The following CDH3 variants were observed in gnomAD, a reference collection of about 807,000 sequenced individuals.
The protein encoded by CDH3 is cadherin-3.
CDH3 carries 54 observed loss-of-function variants against 82.0 expected under a neutral mutation model. The observed-to-expected ratio is 0.66, with a 90% confidence interval of 0.53 to 0.83. The LOEUF (loss-of-function observed/expected upper bound fraction) is 0.83, where lower values mean the gene tolerates loss of function less well. Among genes scored for constraint, CDH3 ranks in the 40% least tolerant of loss-of-function variants. The pLI is 0.00. For synonymous variants in CDH3, 446 were observed against 437.9 expected (o/e 1.02, Z -0.23); for missense variants, 1,054 against 1,084.6 (o/e 0.97, Z 0.40).
chr16:68,659,579 C>CAAAAA (rs548955678), intron 2 of CDH3, among the ~76,000 whole-genome samples: 1 of 125,844 alleles, frequency 7.9e-6, no homozygotes, highest in Non-Finnish European at 1.7e-5. Flanking sequence ...GATGCTGTCT[C>CAAAAA]AAAAAAAAAA....
chr16:68,731,049 T>C (rs941385691), downstream of CDH3, among the ~76,000 whole-genome samples: 1 of 17,920 alleles, frequency 5.6e-5, no homozygotes, highest in African/African-American at 1.5e-4. Flanking sequence ...AAAAAAAAAA[T>C]ATATATATAT....
At chr16:68,655,277 G>A (rs571376499) in intron 2 of CDH3, among the ~76,000 whole-genome samples, 1 of 152,242 alleles carries the variant, frequency 6.6e-6, no homozygotes, top group Non-Finnish European at 1.5e-5. Context: ...AAACAGTGAA[G>A]TGTCTGAGAT....
At chr16:68,710,576 G>A in intron 1 of CDH3, among the ~76,000 whole-genome samples, 1 of 152,126 alleles carries the variant, frequency 6.6e-6, no homozygotes, top group Non-Finnish European at 1.5e-5. Context: ...GAAAAACTAT[G>A]GCTGGGCGCG....
downstream of CDH3, among the ~76,000 whole-genome samples, chr16:68,731,437 T>TAC (rs1962290508): frequency 8.5e-5 from 1 of 11,804 alleles, no homozygotes. Flanking sequence ...TATACACATA[T>TAC]ATATACACAC....
At chr16:68,721,652 C>A (rs879646625) in intron 1 of CDH3, among the ~76,000 whole-genome samples, 2 of 152,238 alleles carry the variant, frequency 1.3e-5, no homozygotes, top group Non-Finnish European at 2.9e-5. Context: ...CTTGGCTAGA[C>A]TAAGCTCTTC....
At chr16:68,654,200 C>T (rs140435774) in intron 2 of CDH3, among the ~76,000 whole-genome samples, 23,775 of 149,414 alleles carry the variant, frequency 0.16, 2,169 homozygotes, top group Non-Finnish European at 0.21. Flanking sequence ...GCTGGGACTA[C>T]AGGCATGTGC....
Position 68,695,843 on chromosome 16 carries a change from G to T in CDH3, c.2200G>T (p.Val734Leu), listed in dbSNP as rs775541873. Reference protein sequence around the residue: ...ARPEVVLRNDVAPTIIPTPMY... With the variant: ...ARPEVVLRNDLAPTIIPTPMY... ...GCCGGAGGTGGTTCTCCGCAATGAC[G>T]TGGCACCAACCATCATCCCGACACC... Residue 734 changes from valine to leucine, a missense_variant, in exon 15 of 16, where the codon GTG becomes TTG. Physicochemically the swap from Val to Leu is conservative, Grantham distance 32. Coordinates refer to ENST00000264012, the MANE Select transcript of CDH3 (RefSeq NM_001793.6). 3.7e-6 allele frequency: 6 copies of T among 1,614,052 alleles called. No individual in the cohort carries two copies. Among genetic ancestry groups the T allele is most frequent in the Non-Finnish European group, 4.2e-6 (5 of 1,180,002 alleles).
chr16:68,673,979 A>C (rs1196104499), intron 2 of CDH3, among the ~76,000 whole-genome samples: 2 of 152,182 alleles, frequency 1.3e-5, no homozygotes, highest in Non-Finnish European at 2.9e-5. Context: ...ACTATTATGA[A>C]TAACACTGCT....
chr16:68,730,110 G>A (rs2152112228), downstream of CDH3, among the ~76,000 whole-genome samples: 1 of 152,112 alleles, frequency 6.6e-6, no homozygotes. Context: ...GTATGCGCCT[G>A]TAATCCCAGC....
rs1336090075 is a variant in CDH3 at position 68,695,869 on chromosome 16, C to G, written c.2226C>G (p.Pro742=). ...TGGCACCAACCATCATCCCGACACC[C>G]ATGTACCGTCCTCGGCCAGCCAACC... The part of the protein sequence containing the change: ...NDVAPTIIPT[P]MYRPRPANPD... The change falls in exon 15 of 16, where the codon CCC becomes CCG. Residue 742 remains proline (P), a synonymous_variant. Transcript: ENST00000264012. 1 of 1,614,148 alleles carries G rather than the reference C, an allele frequency of 6.2e-7. No homozygotes were observed. The highest frequency in any genetic ancestry group is 1.1e-5 in the South Asian group (1 of 91,066).
intron 13 of CDH3, 48 bp from the exon 14 acceptor site, chr16:68,695,207 C>T (rs756072484): frequency 1.2e-6 from 2 of 1,611,904 alleles, no homozygotes; most frequent in Non-Finnish European, 1.7e-6. Flanking sequence ...GGGTCTTGGC[C>T]CACTGTGTGG....
chr16:68,672,048 C>A (rs538182125), intron 2 of CDH3, among the ~76,000 whole-genome samples: 1 of 151,916 alleles, frequency 6.6e-6, no homozygotes, highest in South Asian at 2.1e-4. Flanking sequence ...TAAAATTAGC[C>A]GGGCGAGGTG....
intron 13 of CDH3, 36 bp downstream of exon 13, chr16:68,691,962 G>GT: frequency 6.4e-7 from 1 of 1,560,218 alleles, no homozygotes; most frequent in Non-Finnish European, 8.8e-7. Flanking sequence ...CCTGAGGATG[G>GT]GGGAGTTGAA....
chr16:68,657,455 A>T (rs934673322), intron 2 of CDH3, among the ~76,000 whole-genome samples: 1 of 152,204 alleles, frequency 6.6e-6, no homozygotes, highest in South Asian at 2.1e-4. Flanking sequence ...CAGAGGTTGC[A>T]GTGAGCCGAG....
At chr16:68,727,628 G>T (rs1407918500), downstream of CDH3, among the ~76,000 whole-genome samples, 2 of 152,032 alleles carry the variant, frequency 1.3e-5, no homozygotes, top group Non-Finnish European at 2.9e-5. Context: ...AACAAACAGG[G>T]CTCGGTGCGG....
At chr16:68,676,211 C>G (rs1004666187) in intron 2 of CDH3, among the ~76,000 whole-genome samples, 174 bp from the exon 3 acceptor site, 1 of 152,194 alleles carries the variant, frequency 6.6e-6, no homozygotes, top group African/African-American at 2.4e-5. Context: ...TGGAAGCCTC[C>G]TCTGAAACTT....
At chr16:68,647,341 C>G (rs934254771) in intron 2 of CDH3, among the ~76,000 whole-genome samples, 2 of 148,242 alleles carry the variant, frequency 1.3e-5, no homozygotes, top group Non-Finnish European at 3.0e-5. Flanking sequence ...CCTTATCTTT[C>G]CTACTGAAGC....
chr16:68,728,078 C>CT (rs1962237611), downstream of CDH3, among the ~76,000 whole-genome samples: 1 of 152,152 alleles, frequency 6.6e-6, no homozygotes, highest in South Asian at 2.1e-4. Flanking sequence ...AGCACAAAGC[C>CT]TGATACATAA....
At chr16:68,701,148 C>T (rs536344623), downstream of CDH3, among the ~76,000 whole-genome samples, 1 of 152,260 alleles carries the variant, frequency 6.6e-6, no homozygotes, top group South Asian at 2.1e-4. Context: ...CCTTCCTCCC[C>T]TGAGATATTT....
Sources: allele counts gnomAD v4.1 joint callset (sites outside exome capture counted in the v4.1 genomes callset), GRCh38; gene constraint gnomAD v4.1.1; transcripts MANE v1.5; gene names NCBI Gene and HGNC (gene_info 2026-07-23, HGNC 2026-07-21).